ABR: variants seen among roughly 807,000 people sequenced by gnomAD.
ABR encodes active breakpoint cluster region-related protein.
ABR carries 35 observed loss-of-function variants against 107.2 expected under a neutral mutation model. That is an observed-to-expected ratio of 0.33 (90% CI 0.25 to 0.43). The LOEUF (loss-of-function observed/expected upper bound fraction) is 0.43, where lower values mean the gene tolerates loss of function less well. Ranked by LOEUF, ABR falls within the 20% of genes least tolerant of loss-of-function variation. The pLI, the probability that ABR is intolerant of heterozygous loss-of-function variation, is 1.00. For synonymous variants in ABR, 498 were observed against 462.0 expected (o/e 1.08, Z -1.00); for missense variants, 815 against 1,115.2 (o/e 0.73, Z 3.83).
In ABR at chr17:1,084,543, C is replaced by T. The variant is rs552816763; in HGVS notation, c.532-916G>A. 2.0e-5 allele frequency among the ~76,000 whole-genome samples: 3 copies of T among 152,314 alleles called. No individual in the cohort carries two copies. In the South Asian group the frequency reaches 6.2e-4, roughly 32 times the overall value. On this transcript the variant is annotated intron_variant, in intron 4 of 22. Coordinates refer to ENST00000302538, the MANE Select transcript of ABR (RefSeq NM_021962.5). The surrounding 1 kb of genome is among the most constrained non-coding windows in gnomAD (Gnocchi z 4.2). ...AGTCACAACCTGAGTCACAACCACA[C>T]AGAGCCTCGCCTCTTCTGAGAGGCA...
chr17:1,046,090 C>T (rs1048378918), intron 16 of ABR, among the ~76,000 whole-genome samples: 6 of 152,020 alleles, frequency 3.9e-5, no homozygotes, highest in Admixed American at 2.0e-4. Context: ...AGGCTGGTTT[C>T]GAACTCCTGA....
At chr17:1,149,921 T>C (rs963602802) in intron 1 of ABR, among the ~76,000 whole-genome samples, 1 of 152,224 alleles carries the variant, frequency 6.6e-6, no homozygotes, top group Non-Finnish European at 1.5e-5. Context: ...ATGAAGATAA[T>C]AACATAACAA....
At position 1,033,369 on chromosome 17, in the gene ABR, A is replaced by C. The variant is rs149687014; in HGVS notation, c.1791+16681T>G. ...TAAGTCACTTACCCCTCCCAACTGT[A>C]TGAAGTCAGTACCAGCATCCCCGCT... On this transcript the variant is annotated intron_variant, in intron 16 of 22. Coordinates refer to ENST00000302538, the MANE Select transcript of ABR (RefSeq NM_021962.5). Among the ~76,000 whole-genome samples the C allele has an allele frequency of 3.6e-3, 554 of 152,286 alleles. 5 individuals carry two copies. Among genetic ancestry groups the C allele is most frequent in the South Asian group, 0.016 (77 of 4,820 alleles).
intron 1 of ABR, among the ~76,000 whole-genome samples, chr17:1,127,087 C>T (rs868424591): frequency 1.3e-5 from 2 of 152,320 alleles, no homozygotes; most frequent in Middle Eastern, 3.4e-3. Context: ...TTTTGGCAGC[C>T]GAGCGCTTCC....
At position 1,117,601 on chromosome 17, in the gene ABR, G is replaced by A. The variant is rs1214588052; in HGVS notation, c.246+7582C>T. On this transcript the variant is annotated intron_variant, in intron 2 of 22. Coordinates refer to ENST00000302538, the MANE Select transcript of ABR (RefSeq NM_021962.5). ...GAGTTCCTCCCAGCATTATCCCTGA[G>A]CCCGAGTTCCTCCCAGCGTTATCCC... 8.2e-5 allele frequency among the ~76,000 whole-genome samples: 2 copies of A among 24,456 alleles called. 1 individual carries two copies. The highest frequency in any genetic ancestry group is 1.6e-4 in the Non-Finnish European group (2 of 12,144). 16.0% of individuals were successfully genotyped at this position (24,456 alleles called of 152,430 possible).
At chr17:1,182,693 C>G (rs1469705788), upstream of ABR, among the ~76,000 whole-genome samples, 1 of 152,206 alleles carries the variant, frequency 6.6e-6, no homozygotes, top group Non-Finnish European at 1.5e-5. Flanking sequence ...ACCACGCATA[C>G]TGCCTCCACG....
At chr17:1,174,754 A>T (rs1238684668) in intron 1 of ABR, among the ~76,000 whole-genome samples, 2 of 152,178 alleles carry the variant, frequency 1.3e-5, no homozygotes, top group Non-Finnish European at 2.9e-5. Context: ...ACCAGGACTA[A>T]ATTACTTGGG....
At chr17:1,143,515 GACAGCTCGCTCCTGGGGGA>G (rs2040401037) in intron 1 of ABR, among the ~76,000 whole-genome samples, 7 of 39,294 alleles carry the variant, frequency 1.8e-4, no homozygotes, top group South Asian at 2.6e-3. Context: ...GCTCCTGGGG[GACAGCTCGCTCCTGGGGGA>G]CAGCTCATTC....
chr17:1,171,031 G>A (rs1011497293), intron 1 of ABR, among the ~76,000 whole-genome samples: 1 of 152,182 alleles, frequency 6.6e-6, no homozygotes, highest in South Asian at 2.1e-4. Flanking sequence ...CTGCCACGCC[G>A]ACTCTACAAC....
At chr17:1,173,587 G>A (rs1455297177) in intron 1 of ABR, among the ~76,000 whole-genome samples, 5 of 152,042 alleles carry the variant, frequency 3.3e-5, no homozygotes, top group African/African-American at 4.8e-5. Flanking sequence ...CTACGAGCGA[G>A]TACAATGACC....
intron 21 of ABR, among the ~76,000 whole-genome samples, chr17:1,008,197 G>A (rs187885733): frequency 2.6e-5 from 4 of 152,356 alleles, no homozygotes; most frequent in East Asian, 1.9e-4. Flanking sequence ...AACAGCAGGA[G>A]CTGCCATCAG....
chr17:1,113,473 G>A (rs894386848), intron 2 of ABR, among the ~76,000 whole-genome samples: 3 of 151,942 alleles, frequency 2.0e-5, no homozygotes, highest in Admixed American at 2.0e-4. Flanking sequence ...TTTTAGTAGA[G>A]ATGGGGTTTC....
rs2037101413 is a variant in ABR at position 1,092,491 on chromosome 17, C to T, written c.346-641G>A. Among the ~76,000 whole-genome samples the T allele has an allele frequency of 6.6e-6, 1 of 152,156 alleles. No homozygotes were observed. Among genetic ancestry groups the T allele is most frequent in the South Asian group, 2.1e-4 (1 of 4,836 alleles). ...CCAGTCTCAGACTCTTTCTCAATGC[C>T]TGCCTGTCTATACCAAGATGCTCCA... On this transcript the variant is annotated intron_variant, in intron 3 of 22. Coordinates refer to ENST00000302538, the MANE Select transcript of ABR (RefSeq NM_021962.5). The surrounding 1 kb of genome is among the most constrained non-coding windows in gnomAD (Gnocchi z 4.6).
At chr17:1,190,166 A>G (rs886272390), upstream of ABR, among the ~76,000 whole-genome samples, 2 of 152,192 alleles carry the variant, frequency 1.3e-5, no homozygotes, top group Non-Finnish European at 2.9e-5. Context: ...AAAATTCCCC[A>G]GTGCACAGGG....
upstream of ABR, among the ~76,000 whole-genome samples, chr17:1,187,536 A>AAGGAGAGAGCAGG (rs1165336191): frequency 1.3e-5 from 2 of 152,082 alleles, no homozygotes; most frequent in Admixed American, 1.3e-4. Flanking sequence ...GAGAGAGCAG[A>AAGGAGAGAGCAGG]AGCCCCCAGG....
intron 1 of ABR, among the ~76,000 whole-genome samples, chr17:1,142,924 C>T (rs554298786): frequency 3.3e-5 from 5 of 152,214 alleles, no homozygotes; most frequent in Non-Finnish European, 7.4e-5. Context: ...AACTGGAGGC[C>T]GGGCAGAGGC....
chr17:1,098,373 G>A (rs116898709), intron 3 of ABR, among the ~76,000 whole-genome samples: 1,693 of 152,230 alleles, frequency 0.011, 22 homozygotes, highest in East Asian at 0.071. Context: ...CACGGCGCCC[G>A]GCCAAAGCCA....
At chr17:1,162,475 G>A (rs1728335076) in intron 1 of ABR, among the ~76,000 whole-genome samples, 1 of 152,196 alleles carries the variant, frequency 6.6e-6, no homozygotes, top group Non-Finnish European at 1.5e-5. Context: ...GGTACCCCCA[G>A]CTCCCCACTG....
intron 1 of ABR, among the ~76,000 whole-genome samples, chr17:1,159,666 TAAGA>T (rs143581507): frequency 4.6e-4 from 12 of 26,146 alleles, no homozygotes; most frequent in Admixed American, 1.6e-3. Context: ...ACAGGAGAAG[TAAGA>T]ATGCGGTACT....
Sources: gnomAD v4.1 joint callset for allele counts (sites outside exome capture counted in the v4.1 genomes callset) on GRCh38, gnomAD v4.1.1 for gene constraint, Gnocchi (gnomAD v3.1) non-coding constraint, MANE v1.5 for transcripts, NCBI Gene and HGNC (gene_info 2026-07-23, HGNC 2026-07-21) for gene names.